The following ASIC2 variants were observed in gnomAD, a reference collection of about 807,000 sequenced individuals.
ASIC2 encodes the protein acid sensing ion channel subunit 2.
A neutral mutation model predicts 57.3 loss-of-function variants in ASIC2; 25 were observed. The observed-to-expected ratio is 0.44, with a 90% CI of 0.32 to 0.61. The LOEUF is 0.61. ASIC2 is among the 20% of genes least tolerant of loss of function. The pLI, the probability that ASIC2 is intolerant of heterozygous loss-of-function variation, is 0.06. For synonymous variants in ASIC2, 319 were observed against 307.5 expected (o/e 1.04, Z -0.39); for missense variants, 641 against 738.1 (o/e 0.87, Z 1.52).
chr17:33,652,757 G>A (rs1422490306), intron 1 of ASIC2, among the ~76,000 whole-genome samples: 1 of 152,216 alleles, frequency 6.6e-6, no homozygotes, highest in Non-Finnish European at 1.5e-5. Flanking sequence ...TGCCGCCTTG[G>A]CAGTGAGAGG....
At position 33,774,880 on chromosome 17, in the gene ASIC2, G is replaced by A. The variant is rs143111224; in HGVS notation, c.555+381098C>T. Among the ~76,000 whole-genome samples, 1,178 of 152,242 alleles carry A rather than the reference G, an allele frequency of 7.7e-3. 17 individuals are homozygous for A. The highest frequency in any genetic ancestry group is 0.026 in the African/African-American group (1,098 of 41,514). ...TAATTCAGCAAATTTACTTCTTTTC[G>A]GGTACAATGATGAATTTTTCAATGA... On this transcript the variant is annotated intron_variant, in intron 1 of 9. Transcript: ENST00000359872.
chr17:33,796,867 A>G (rs553442052), intron 1 of ASIC2, among the ~76,000 whole-genome samples: 1 of 152,332 alleles, frequency 6.6e-6, no homozygotes, highest in Non-Finnish European at 1.5e-5. Context: ...GATCTTGTGC[A>G]AATCATTTAA....
intron 1 of ASIC2, among the ~76,000 whole-genome samples, chr17:33,882,705 T>C (rs1380582213): frequency 6.6e-6 from 1 of 152,172 alleles, no homozygotes; most frequent in Non-Finnish European, 1.5e-5. Flanking sequence ...GTGTGGTGAT[T>C]CCTCAGGGAT....
At chr17:34,047,263 C>T (rs1908372836) in intron 1 of ASIC2, among the ~76,000 whole-genome samples, 1 of 151,988 alleles carries the variant, frequency 6.6e-6, no homozygotes, top group Non-Finnish European at 1.5e-5. Flanking sequence ...TAATGAGCAC[C>T]TACTTTGTGA....
intron 1 of ASIC2, among the ~76,000 whole-genome samples, chr17:33,516,743 C>T (rs572909129): frequency 6.6e-6 from 1 of 152,322 alleles, no homozygotes; most frequent in Admixed American, 6.5e-5. Context: ...GCTTAGTACT[C>T]AGTGCCTGTA....
intron 1 of ASIC2, among the ~76,000 whole-genome samples, chr17:33,287,305 C>G (rs888429932): frequency 1.7e-4 from 26 of 152,210 alleles, no homozygotes; most frequent in African/African-American, 6.3e-4. Context: ...GGCACTCTCC[C>G]CTGAACCATG....
At chr17:33,845,782 C>T (rs778841262) in intron 1 of ASIC2, among the ~76,000 whole-genome samples, 75 of 152,132 alleles carry the variant, frequency 4.9e-4, no homozygotes, top group Non-Finnish European at 8.5e-4. Context: ...AATATCTTAT[C>T]GTATATTGTG....
rs765987992 is a variant in ASIC2, at chr17:33,416,628, C to T, written c.556-304561G>A. ...GCAGCTGAGGGAGGATGGGTGATGC[C>T]GTTGTGGGAAGATGGCAATGGCTTT... On this transcript the variant is annotated intron_variant, in intron 1 of 9. Transcript: ENST00000359872. Among the ~76,000 whole-genome samples, 14 of 152,282 alleles carry T rather than the reference C, an allele frequency of 9.2e-5. No homozygotes were observed. In the East Asian group the frequency reaches 1.4e-3, roughly 15 times the overall value.
chr17:34,143,828 A>T (rs1201047572), intron 1 of ASIC2, among the ~76,000 whole-genome samples: 1 of 152,226 alleles, frequency 6.6e-6, no homozygotes, highest in Non-Finnish European at 1.5e-5. Context: ...CTGACTTTCC[A>T]GAAGCTTCCA....
chr17:34,127,369 C>A (rs988870108), intron 1 of ASIC2, among the ~76,000 whole-genome samples: 1 of 152,152 alleles, frequency 6.6e-6, no homozygotes, highest in Non-Finnish European at 1.5e-5. Context: ...AAGCAAAAAA[C>A]AAGATGGTCT....
Position 33,579,279 on chromosome 17 carries a change from T to C in ASIC2, c.556-467212A>G, listed in dbSNP as rs1333285802. On this transcript the variant is annotated intron_variant, in intron 1 of 9. Coordinates refer to the ASIC2 transcript ENST00000359872. ...CCAGCCTGGGTAGCACGAATGAAAC[T>C]GTGTCTCAAAAAAAAAAAAAAAAAA... Among the ~76,000 whole-genome samples the C allele has an allele frequency of 8.0e-5, 9 of 113,138 alleles. No homozygotes were observed. The East Asian group carries it at 1.4e-3, about 17-fold the overall frequency. The allele number at this position is 113,138 out of a possible 152,430, so 74.2% of individuals were successfully genotyped here.
At chr17:33,490,612 G>C (rs1375387438) in intron 1 of ASIC2, among the ~76,000 whole-genome samples, 1 of 152,126 alleles carries the variant, frequency 6.6e-6, no homozygotes, top group East Asian at 1.9e-4. Flanking sequence ...ACTCTCTCTT[G>C]CCTGGCGCCA....
chr17:33,690,507 A>G (rs1040566300), intron 1 of ASIC2, among the ~76,000 whole-genome samples: 2 of 152,092 alleles, frequency 1.3e-5, no homozygotes, highest in African/African-American at 4.8e-5. Context: ...CCCAAGAGAG[A>G]AAGTTCCAAT....
At chr17:33,112,702 C>A (rs892326444) in intron 1 of ASIC2, 4 of 152,156 alleles carry the variant, frequency 2.6e-5, no homozygotes, top group Non-Finnish European at 5.9e-5. Context: ...CTGAATTTAG[C>A]CTTTTGTCTT....
intron 1 of ASIC2, among the ~76,000 whole-genome samples, chr17:33,752,987 A>G (rs996561834): frequency 2.0e-5 from 3 of 152,240 alleles, no homozygotes; most frequent in Non-Finnish European, 4.4e-5. Flanking sequence ...ATCCACACAA[A>G]AACCTGCACA....
At chr17:34,038,403 T>G in intron 1 of ASIC2, 1 of 1,612,054 alleles carries the variant, frequency 6.2e-7, no homozygotes, top group Non-Finnish European at 8.5e-7. Flanking sequence ...CGGTATTCCC[T>G]ACATGCATGC....
intron 3 of ASIC2, among the ~76,000 whole-genome samples, chr17:33,063,524 G>A (rs1404571480): frequency 6.6e-6 from 1 of 152,192 alleles, no homozygotes; most frequent in Non-Finnish European, 1.5e-5. Flanking sequence ...TTTCTGCTGA[G>A]AGATCAGCTG....
chr17:33,626,424 G>A (rs8068086), intron 1 of ASIC2, among the ~76,000 whole-genome samples: 57,268 of 151,936 alleles, frequency 0.38, 11,086 homozygotes, highest in East Asian at 0.49. Context: ...CATTAGTTTT[G>A]CCTTTGAGGA....
At chr17:33,108,646 G>A (rs572077035) in intron 2 of ASIC2, among the ~76,000 whole-genome samples, 1 of 152,354 alleles carries the variant, frequency 6.6e-6, no homozygotes, top group Non-Finnish European at 1.5e-5. Context: ...TAGGAAATAA[G>A]CAGCTTTGAG....
Sources: gnomAD v4.1 joint callset for allele counts (sites outside exome capture counted in the v4.1 genomes callset) on GRCh38, gnomAD v4.1.1 for gene constraint, MANE v1.5 for transcripts, NCBI Gene and HGNC (gene_info 2026-07-23, HGNC 2026-07-21) for gene names.